The following KIAA1328 variants were observed in gnomAD, a reference collection of about 807,000 sequenced individuals.
The protein encoded by KIAA1328 is protein hinderin.
In KIAA1328, 52 loss-of-function variants were observed where a neutral mutation model predicts 68.1. The ratio of observed to expected loss-of-function variants is 0.76; its 90% CI spans 0.61 to 0.96. The LOEUF is 0.96. Ranked by LOEUF, KIAA1328 falls within the 40% of genes least tolerant of loss-of-function variation. The pLI is 0.00. For synonymous variants in KIAA1328, 232 were observed against 239.4 expected, an observed-to-expected ratio of 0.97 and a Z score of 0.28; for missense variants, 641 against 677.6, an observed-to-expected ratio of 0.95 and a Z score of 0.60.
chr18:36,890,629 C>T (rs1050189465), intron 5 of KIAA1328, among the ~76,000 whole-genome samples: 1 of 152,124 alleles, frequency 6.6e-6, no homozygotes, highest in African/African-American at 2.4e-5. Context: ...CGAGATTGTG[C>T]CACTGCATTC....
At chr18:36,962,439 A>G (rs960976038) in intron 6 of KIAA1328, among the ~76,000 whole-genome samples, 47 of 152,360 alleles carry the variant, frequency 3.1e-4, no homozygotes, top group African/African-American at 1.1e-3. Flanking sequence ...AAGGATATCC[A>G]GCACTTGAAC....
chr18:36,857,017 T>C (rs2047406033), intron 4 of KIAA1328, among the ~76,000 whole-genome samples: 1 of 152,194 alleles, frequency 6.6e-6, no homozygotes, highest in Non-Finnish European at 1.5e-5. Context: ...CATTTTAGAT[T>C]GGCTCTAATC....
At chr18:36,901,855 AG>A (rs1301364355) in intron 5 of KIAA1328, 1 of 152,072 alleles carries the variant, frequency 6.6e-6, no homozygotes, top group Non-Finnish European at 1.5e-5. Context: ...ACAGGTCAGG[AG>A]GCAACATAAT....
chr18:36,831,806 C>T (rs72885235), intron 1 of KIAA1328, among the ~76,000 whole-genome samples: 16,681 of 152,110 alleles, frequency 0.11, 1,197 homozygotes, highest in Non-Finnish European at 0.14. Context: ...AACTTATTTC[C>T]TTCAAATCCT....
intron 4 of KIAA1328, among the ~76,000 whole-genome samples, chr18:36,858,100 C>T (rs986568740): frequency 1.3e-5 from 2 of 152,068 alleles, no homozygotes; most frequent in South Asian, 2.1e-4. Context: ...AAAAGGAATG[C>T]CATTATCTCC....
At chr18:37,187,057 A>G (rs948076658) in intron 9 of KIAA1328, among the ~76,000 whole-genome samples, 1 of 152,018 alleles carries the variant, frequency 6.6e-6, no homozygotes, top group African/African-American at 2.4e-5. Context: ...TTAGCTACTC[A>G]GGAGGCTGAG....
intron 5 of KIAA1328, among the ~76,000 whole-genome samples, chr18:36,947,611 T>C (rs894270237): frequency 1.3e-5 from 2 of 152,156 alleles, no homozygotes; most frequent in African/African-American, 4.8e-5. Flanking sequence ...CAGGTTTTTA[T>C]TATGCCTCAT....
At chr18:37,117,826 C>T (rs1222899094) in intron 7 of KIAA1328, among the ~76,000 whole-genome samples, 2 of 149,746 alleles carry the variant, frequency 1.3e-5, no homozygotes, top group Admixed American at 1.3e-4. Flanking sequence ...ATGCATCTCA[C>T]GTTAGATGAT....
intron 7 of KIAA1328, among the ~76,000 whole-genome samples, chr18:37,073,058 AC>A (rs1419304118): frequency 6.6e-6 from 1 of 152,144 alleles, no homozygotes; most frequent in Non-Finnish European, 1.5e-5. Context: ...AACCATAAAA[AC>A]CCTAGAAGAA....
intron 4 of KIAA1328, among the ~76,000 whole-genome samples, chr18:36,865,136 T>G (rs2047705516): frequency 1.3e-5 from 2 of 152,042 alleles, no homozygotes. Flanking sequence ...AGTAGGAACT[T>G]AGAGATCATT....
At chr18:37,081,485 G>A (rs1599196225) in intron 7 of KIAA1328, among the ~76,000 whole-genome samples, 1 of 152,042 alleles carries the variant, frequency 6.6e-6, no homozygotes, top group Non-Finnish European at 1.5e-5. Context: ...ATCACTTTGG[G>A]TCATCTGAAA....
rs999365206 is a variant in KIAA1328, at chr18:37,153,654, A to G, written c.1233-6546A>G. Among the ~76,000 whole-genome samples the G allele has an allele frequency of 9.7e-5, 13 of 133,494 alleles. No homozygotes were observed. The South Asian group carries it at 1.4e-3, about 15-fold the overall frequency. The allele number at this position is 133,494 out of a possible 152,430, so 87.6% of individuals were successfully genotyped here. On this transcript the variant is annotated intron_variant, in intron 7 of 9. Coordinates refer to ENST00000280020, the MANE Select transcript of KIAA1328 (RefSeq NM_020776.3). ...TTTTTTTTTTTTTTTTTTTTTCCCA[A>G]TACAAGGTACCAGACCTTTTCAAAG...
intron 5 of KIAA1328, chr18:36,902,070 T>A (rs1028262473): frequency 6.6e-6 from 1 of 151,994 alleles, no homozygotes; most frequent in Admixed American, 6.6e-5. Flanking sequence ...GTTGGAAACA[T>A]TGGATGTGCT....
chr18:36,927,986 A>G (rs1598736982), intron 5 of KIAA1328, among the ~76,000 whole-genome samples: 2 of 152,192 alleles, frequency 1.3e-5, no homozygotes, highest in Admixed American at 1.3e-4. Context: ...AAATACATAT[A>G]TATAATACTT....
chr18:37,094,420 A>T (rs1369662800), intron 7 of KIAA1328, among the ~76,000 whole-genome samples: 1 of 152,208 alleles, frequency 6.6e-6, no homozygotes, highest in African/African-American at 2.4e-5. Flanking sequence ...TCAAAAATGA[A>T]GGAGAAATAG....
rs1243089575 is a variant in KIAA1328 at position 37,222,995 on chromosome 18, G to C, written c.*768G>C. 6 of 985,314 alleles carry C rather than the reference G, an allele frequency of 6.1e-6. No individual in the cohort carries two copies. The African/African-American group carries it at 8.7e-5, about 14-fold the overall frequency. 61.0% of individuals were successfully genotyped at this position (985,314 alleles called of 1,614,324 possible). On this transcript the variant is annotated 3_prime_UTR_variant, in exon 10 of 10. Coordinates refer to ENST00000280020, the MANE Select transcript of KIAA1328 (RefSeq NM_020776.3). ...GACCACCCCTCCAATATCCCAGAAT[G>C]AATAAGAACAATCCCTAGGTATTTT...
At chr18:37,149,444 A>G (rs1342959948) in intron 7 of KIAA1328, among the ~76,000 whole-genome samples, 1 of 152,216 alleles carries the variant, frequency 6.6e-6, no homozygotes, top group Non-Finnish European at 1.5e-5. Context: ...CCAAAACTAT[A>G]AAAACCCTAG....
chr18:36,857,811 A>G (rs1414849077), intron 4 of KIAA1328, among the ~76,000 whole-genome samples: 2 of 152,236 alleles, frequency 1.3e-5, no homozygotes, highest in Admixed American at 6.5e-5. Flanking sequence ...GGGATTTTCC[A>G]GAAAACTTTT....
chr18:37,095,364 A>G (rs900778482), intron 7 of KIAA1328, among the ~76,000 whole-genome samples: 9 of 152,208 alleles, frequency 5.9e-5, no homozygotes, highest in South Asian at 2.1e-4. Flanking sequence ...AAAAATATCA[A>G]CATCATATGA....
Sources: gnomAD v4.1 joint callset for allele counts (sites outside exome capture counted in the v4.1 genomes callset) on GRCh38, gnomAD v4.1.1 for gene constraint, MANE v1.5 for transcripts, NCBI Gene and HGNC (gene_info 2026-07-23, HGNC 2026-07-21) for gene names.